CHEK2: variants seen among roughly 807,000 people sequenced by gnomAD.
CHEK2 encodes the protein checkpoint kinase 2.
CHEK2 carries 71 observed loss-of-function variants against 69.1 expected under a neutral mutation model. The ratio of observed to expected loss-of-function variants is 1.03; its 90% CI spans 0.85 to 1.25. The LOEUF (loss-of-function observed/expected upper bound fraction) is 1.25, where lower values mean the gene tolerates loss of function less well. Ranked by LOEUF, CHEK2 falls within the 50% of genes most tolerant of loss-of-function variation. CHEK2 has a pLI of 0.00. For synonymous variants in CHEK2, 189 were observed against 226.9 expected, an observed-to-expected ratio of 0.83 and a Z score of 1.50; for missense variants, 664 against 649.6, an observed-to-expected ratio of 1.02 and a Z score of -0.24.
chr22:28,696,951 T>G lies in CHEK2; in HGVS notation c.1045A>C (p.Lys349Gln), dbSNP rs730881689. The G allele has an allele frequency of 1.2e-6, 2 of 1,613,476 alleles. No homozygotes were observed. The highest frequency in any genetic ancestry group is 1.7e-5 in the Admixed American group (1 of 59,968). The change falls in exon 10 of 15, where the codon AAG becomes CAG. Residue 349 changes from lysine (K) to glutamine (Q), a missense_variant. Transcript: ENST00000404276. ...HENGIIHRDL[K>Q]PENVLLSSQE... ...GATGACAGTAAAACATTCTCTGGCT[T>G]TAAGTCACGGTGTATAATACCGTTT...
intron 13 of CHEK2, among the ~76,000 whole-genome samples, chr22:28,692,126 G>C (rs1392966326): frequency 1.3e-5 from 2 of 152,180 alleles, no homozygotes; most frequent in Non-Finnish European, 2.9e-5. Context: ...GTACAAGAAA[G>C]ATAGGCTATG....
In CHEK2 at chr22:28,704,121, GACACACACACACAC is replaced by G. The variant is rs10565000; in HGVS notation, c.847-569_847-556del. Among the ~76,000 whole-genome samples, 346 of 143,030 alleles carry G rather than the reference GACACACACACACAC, an allele frequency of 2.4e-3. 1 individual carries two copies. Among genetic ancestry groups the G allele is most frequent in the African/African-American group, 8.4e-3 (322 of 38,280 alleles). 93.8% of individuals were successfully genotyped at this position (143,030 alleles called of 152,430 possible). Reference sequence around the variant, plus strand: ...TCGGGGGCAGAGAGAGAGACAGACAGACACACACACACACACACACACACACACACACACACACA... The same window carrying G: ...TCGGGGGCAGAGAGAGAGACAGACAGACACACACACACACACACACACACA... On this transcript the variant is annotated intron_variant, in intron 7 of 14. Coordinates refer to ENST00000404276, the MANE Select transcript of CHEK2 (RefSeq NM_007194.4).
chr22:28,713,153 T>G (rs1010893122), intron 5 of CHEK2, among the ~76,000 whole-genome samples: 1 of 152,240 alleles, frequency 6.6e-6, no homozygotes, highest in Non-Finnish European at 1.5e-5. Flanking sequence ...ACTTCATTCC[T>G]TTTTACAGCT....
rs1057523349 is a variant in CHEK2, at chr22:28,734,747, A to G, written c.-6-20T>C. ...CACGACCTCAAAAAGAAAGTGTCCA[A>G]CAACAAAGGTGAGTTTCAAGGCACA... On this transcript the variant is annotated intron_variant, in intron 1 of 14. Coordinates refer to ENST00000404276, the MANE Select transcript of CHEK2 (RefSeq NM_007194.4). The G allele has an allele frequency of 1.9e-6, 3 of 1,608,556 alleles. No individual in the cohort carries two copies. Among genetic ancestry groups the G allele is most frequent in the Non-Finnish European group, 2.6e-6 (3 of 1,176,288 alleles).
chr22:28,716,628 T>C (rs2053598584), intron 5 of CHEK2, among the ~76,000 whole-genome samples: 1 of 152,246 alleles, frequency 6.6e-6, no homozygotes, highest in Admixed American at 6.5e-5. Context: ...ATACTGTGCT[T>C]AACTATGTTG....
intron 2 of CHEK2, among the ~76,000 whole-genome samples, chr22:28,732,407 G>T (rs1423479623): frequency 6.6e-6 from 1 of 152,038 alleles, no homozygotes; most frequent in African/African-American, 2.4e-5. Flanking sequence ...CACCACGCCT[G>T]GCCTAATTTT....
chr22:28,741,797 C>A lies in CHEK2; in HGVS notation c.-35G>T, dbSNP rs2054565583. On this transcript the variant is annotated 5_prime_UTR_variant, in exon 1 of 15. Coordinates refer to ENST00000404276, the MANE Select transcript of CHEK2 (RefSeq NM_007194.4). Reference sequence around the variant, plus strand: ...GTGAGCCCACCTGGAGCCGCACACTCTCCGCAGCCTCAGCCAGCAGAGTGG... The same window carrying A: ...GTGAGCCCACCTGGAGCCGCACACTATCCGCAGCCTCAGCCAGCAGAGTGG... 1 of 502,056 alleles carries A rather than the reference C, an allele frequency of 2.0e-6. No individual in the cohort carries two copies. The highest frequency in any genetic ancestry group is 2.2e-5 in the South Asian group (1 of 44,680). 31.1% of individuals were successfully genotyped at this position (502,056 alleles called of 1,614,324 possible).
In CHEK2 at chr22:28,734,692, C is replaced by T. The variant is rs1330700030; in HGVS notation, c.30G>A (p.Gln10=). The T allele has an allele frequency of 6.2e-7, 1 of 1,613,582 alleles. No homozygotes were observed. The highest frequency in any genetic ancestry group is 8.5e-7 in the Non-Finnish European group (1 of 1,179,994). Residue 10 remains glutamine (Q), a synonymous_variant, in exon 2 of 15, where the codon CAG becomes CAA. Transcript: ENST00000404276. ...AACAGGCACTGCTGCCATGAGACTG[C>T]TGAGCCTCAACATCCGACTCCCGAG... The part of the protein sequence containing the change: MSRESDVEA[Q]QSHGSSACSQ...
intron 5 of CHEK2, chr22:28,712,318 C>A: frequency 2.5e-6 from 1 of 401,090 alleles, no homozygotes. Context: ...GAGAGAGAAA[C>A]TACGTATCCG....
chr22:28,710,876 A>C (rs1569138884), intron 6 of CHEK2, among the ~76,000 whole-genome samples: 1 of 152,228 alleles, frequency 6.6e-6, no homozygotes, highest in African/African-American at 2.4e-5. Context: ...CAAATAATGA[A>C]ATCAAAACGT....
At chr22:28,714,338 T>C (rs1005360882) in intron 5 of CHEK2, among the ~76,000 whole-genome samples, 1 of 152,212 alleles carries the variant, frequency 6.6e-6, no homozygotes, top group Admixed American at 6.5e-5. Flanking sequence ...CATCTTTTGA[T>C]GTGCTTTTTG....
intron 13 of CHEK2, among the ~76,000 whole-genome samples, chr22:28,693,679 C>A (rs371425086): frequency 6.6e-6 from 1 of 152,050 alleles, no homozygotes. Context: ...GCCAGCACGG[C>A]GAAACCCCAT....
intron 1 of CHEK2, chr22:28,737,333 A>T (rs778848833): frequency 2.1e-4 from 96 of 467,010 alleles, no homozygotes; most frequent in Admixed American, 7.7e-4. Flanking sequence ...CCTTTTCAGT[A>T]AAAGGAAACA....
At chr22:28,704,858 T>G (rs2053046577) in intron 7 of CHEK2, among the ~76,000 whole-genome samples, 1 of 152,164 alleles carries the variant, frequency 6.6e-6, no homozygotes, top group Non-Finnish European at 1.5e-5. Context: ...TTTCATCATA[T>G]TCATCACTCA....
rs543489825 is a variant in CHEK2, at chr22:28,703,962, C to T, written c.847-396G>A. On this transcript the variant is annotated intron_variant, in intron 7 of 14. Transcript: ENST00000404276. The stretch of plus-strand genomic sequence containing the variant: ...GCTGTCAAGTAGGAGCCCAGCCATG[C>T]TGCCAAACAAGGGTTATTTAAGCTC... 9.2e-5 allele frequency among the ~76,000 whole-genome samples: 14 copies of T among 152,294 alleles called. 1 individual carries two copies. In the South Asian group the frequency reaches 2.5e-3, roughly 27 times the overall value.
intron 1 of CHEK2, among the ~76,000 whole-genome samples, chr22:28,737,729 C>T (rs767115118): frequency 1.3e-5 from 2 of 152,120 alleles, no homozygotes; most frequent in African/African-American, 2.4e-5. Context: ...AGGTCCACCT[C>T]AGCCTCCCAA....
chr22:28,701,765 GTCC>G (rs2052858611), intron 8 of CHEK2, among the ~76,000 whole-genome samples: 2 of 152,050 alleles, frequency 1.3e-5, no homozygotes, highest in South Asian at 4.1e-4. Context: ...ATGCAACCTG[GTCC>G]TGGATTGAAA....
intron 7 of CHEK2, among the ~76,000 whole-genome samples, chr22:28,709,391 A>T (rs903430995): frequency 1.3e-5 from 2 of 152,204 alleles, no homozygotes; most frequent in African/African-American, 4.8e-5. Context: ...CTCTAATATA[A>T]CCAGTTGTGT....
At chr22:28,705,078 CTTT>C (rs71866422) in intron 7 of CHEK2, among the ~76,000 whole-genome samples, 8 of 135,010 alleles carry the variant, frequency 5.9e-5, no homozygotes, top group Admixed American at 7.7e-5. Flanking sequence ...AAATCCAAAT[CTTT>C]TTTTTTTTTT....
Sources: allele counts gnomAD v4.1 joint callset (sites outside exome capture counted in the v4.1 genomes callset), GRCh38; gene constraint gnomAD v4.1.1; transcripts MANE v1.5; gene names NCBI Gene and HGNC (gene_info 2026-07-23, HGNC 2026-07-21).